The following ST6GAL1 variants were observed in gnomAD, a reference collection of about 807,000 sequenced individuals.
ST6GAL1 encodes the protein beta-galactoside alpha-2,6-sialyltransferase 1.
A neutral mutation model predicts 38.0 loss-of-function variants in ST6GAL1; 20 were observed. That is an observed-to-expected ratio of 0.53 (90% CI 0.37 to 0.77). The LOEUF (loss-of-function observed/expected upper bound fraction) is 0.77, where lower values mean the gene tolerates loss of function less well. ST6GAL1 is among the 30% of genes least tolerant of loss of function. The pLI, the probability that ST6GAL1 is intolerant of heterozygous loss-of-function variation, is 0.00. For missense variants in ST6GAL1, 432 were observed against 496.4 expected (o/e 0.87, Z 1.23); for synonymous variants, 196 against 188.2 (o/e 1.04, Z -0.34).
chr3:187,076,487 C>T lies in ST6GAL1; in HGVS notation c.*684C>T, dbSNP rs115115233. On this transcript the variant is annotated 3_prime_UTR_variant, in exon 8 of 8. Coordinates refer to ENST00000169298, the MANE Select transcript of ST6GAL1 (RefSeq NM_173216.2). ...TACAGTGTCTATCCTCAAGTTGCTA[C>T]GGTTCAGTGAGAGAGGCAGACATCT... is the stretch of plus-strand genomic sequence containing the variant. The T allele has an allele frequency of 2.4e-3, 503 of 209,436 alleles. 3 individuals are homozygous for T. The highest frequency in any genetic ancestry group is 3.2e-3 in the Middle Eastern group (2 of 620). 13.0% of individuals were successfully genotyped at this position (209,436 alleles called of 1,614,324 possible).
chr3:186,939,881 C>G (rs1220903184), intron 1 of ST6GAL1, among the ~76,000 whole-genome samples: 1 of 152,204 alleles, frequency 6.6e-6, no homozygotes, highest in Non-Finnish European at 1.5e-5. Context: ...TAGAGAAGGT[C>G]CCAGTCCTTG....
chr3:187,036,449 T>C (rs1010632511), intron 2 of ST6GAL1, among the ~76,000 whole-genome samples: 2 of 152,222 alleles, frequency 1.3e-5, no homozygotes, highest in African/African-American at 4.8e-5. Flanking sequence ...GACATGCACT[T>C]GTGTGTTTAT....
intron 4 of ST6GAL1, among the ~76,000 whole-genome samples, chr3:187,049,038 G>A (rs1051469182): frequency 5.9e-5 from 9 of 151,822 alleles, no homozygotes; most frequent in Admixed American, 5.3e-4. Context: ...TTACAGGTGC[G>A]TGCCACCACG....
At chr3:187,009,539 G>T (rs949105147) in intron 2 of ST6GAL1, among the ~76,000 whole-genome samples, 7 of 152,178 alleles carry the variant, frequency 4.6e-5, no homozygotes, top group Non-Finnish European at 7.3e-5. Context: ...GGCTGAGGAG[G>T]GAGGATGGCC....
At chr3:187,017,682 G>C (rs1351709124) in intron 2 of ST6GAL1, among the ~76,000 whole-genome samples, 1 of 152,212 alleles carries the variant, frequency 6.6e-6, no homozygotes, top group African/African-American at 2.4e-5. Flanking sequence ...AGGAGAGGTA[G>C]TTGCACTTCA....
At chr3:186,970,224 T>TC (rs1256998046) in intron 2 of ST6GAL1, among the ~76,000 whole-genome samples, 1 of 150,648 alleles carries the variant, frequency 6.6e-6, no homozygotes, top group African/African-American at 2.4e-5. Flanking sequence ...TCTTTTTTTT[T>TC]TTTTTTTTAA....
At chr3:187,074,619 C>A (rs534533308) in intron 7 of ST6GAL1, among the ~76,000 whole-genome samples, 21 of 152,170 alleles carry the variant, frequency 1.4e-4, no homozygotes, top group African/African-American at 4.6e-4. Flanking sequence ...AGAGAGGACA[C>A]CTTCTAGCTG....
At position 186,968,280 on chromosome 3, in the gene ST6GAL1, A is replaced by G. The variant is rs367840809; in HGVS notation, c.-183+4354A>G. 1.6e-4 allele frequency among the ~76,000 whole-genome samples: 24 copies of G among 152,296 alleles called. No homozygotes were observed. In the East Asian group the frequency reaches 4.2e-3, roughly 27 times the overall value. On this transcript the variant is annotated intron_variant, in intron 2 of 7. Coordinates refer to ENST00000169298, the MANE Select transcript of ST6GAL1 (RefSeq NM_173216.2). Reference sequence around the variant, plus strand: ...TAATACCTACCTTGAGTGAAGATGAATAATTATTTATATAAAGTTTTTTCC... The same window carrying G: ...TAATACCTACCTTGAGTGAAGATGAGTAATTATTTATATAAAGTTTTTTCC...
At chr3:186,936,512 C>T (rs1243199355) in intron 1 of ST6GAL1, among the ~76,000 whole-genome samples, 1 of 152,182 alleles carries the variant, frequency 6.6e-6, no homozygotes. Context: ...TTATATGTAA[C>T]AGTAGCATTG....
intron 5 of ST6GAL1, among the ~76,000 whole-genome samples, chr3:187,071,689 G>A (rs1181149333): frequency 2.1e-4 from 31 of 150,710 alleles, no homozygotes; most frequent in Admixed American, 1.8e-3. Flanking sequence ...GAACCCGGGA[G>A]GCGGAGCCTG....
intron 2 of ST6GAL1, among the ~76,000 whole-genome samples, chr3:187,022,565 G>C (rs1717366663): frequency 6.6e-6 from 1 of 152,244 alleles, no homozygotes. Context: ...TGAATAGATA[G>C]TGATTGTCTC....
At chr3:187,050,558 GA>G (rs1299994223) in intron 4 of ST6GAL1, among the ~76,000 whole-genome samples, 1 of 149,258 alleles carries the variant, frequency 6.7e-6, no homozygotes, top group African/African-American at 2.5e-5. Flanking sequence ...GAGAGAGAGA[GA>G]GGGAGGGAGG....
At chr3:186,946,121 C>T (rs979448337) in intron 1 of ST6GAL1, among the ~76,000 whole-genome samples, 5 of 151,974 alleles carry the variant, frequency 3.3e-5, no homozygotes, top group Admixed American at 6.5e-5. Context: ...GCCTAACCAA[C>T]ATGGTGAAAC....
At chr3:187,059,758 T>C (rs1449370583) in intron 5 of ST6GAL1, among the ~76,000 whole-genome samples, 1 of 152,230 alleles carries the variant, frequency 6.6e-6, no homozygotes, top group African/African-American at 2.4e-5. Context: ...ACTATTGATA[T>C]TTGCAGACAT....
At chr3:187,005,760 A>G (rs1002934181) in intron 2 of ST6GAL1, among the ~76,000 whole-genome samples, 1 of 152,184 alleles carries the variant, frequency 6.6e-6, no homozygotes, top group African/African-American at 2.4e-5. Flanking sequence ...TTTGAAAAAC[A>G]CTGGTGTATC....
intron 2 of ST6GAL1, among the ~76,000 whole-genome samples, chr3:186,980,296 CAAGTTT>C (rs1248046165): frequency 6.6e-6 from 1 of 152,078 alleles, no homozygotes. Context: ...TAGGATCTGG[CAAGTTT>C]AAGAAACGCT....
At chr3:186,978,514 CTGGG>C (rs1715590701) in intron 2 of ST6GAL1, among the ~76,000 whole-genome samples, 1 of 152,138 alleles carries the variant, frequency 6.6e-6, no homozygotes, top group African/African-American at 2.4e-5. Flanking sequence ...CAGGGGTTAG[CTGGG>C]TGGATGGTGG....
chr3:187,033,795 T>G (rs1160804754), intron 2 of ST6GAL1, among the ~76,000 whole-genome samples: 1 of 152,144 alleles, frequency 6.6e-6, no homozygotes, highest in Non-Finnish European at 1.5e-5. Flanking sequence ...GTGCTTAACA[T>G]CTACTTCAAA....
chr3:187,048,854 A>T (rs1224100273), intron 4 of ST6GAL1, among the ~76,000 whole-genome samples: 3 of 138,676 alleles, frequency 2.2e-5, no homozygotes, highest in South Asian at 2.3e-4. Flanking sequence ...ACCCTTTTCC[A>T]TCTGGCTCTG....
Sources: gnomAD v4.1 joint callset for allele counts (sites outside exome capture counted in the v4.1 genomes callset) on GRCh38, gnomAD v4.1.1 for gene constraint, MANE v1.5 for transcripts, NCBI Gene and HGNC (gene_info 2026-07-23, HGNC 2026-07-21) for gene names.